The following NRXN3 variants were observed in gnomAD, a reference collection of about 807,000 sequenced individuals.
The protein encoded by NRXN3 is neurexin III.
Under a neutral mutation model 137.6 loss-of-function variants are expected in NRXN3, and 32 were observed. The observed-to-expected ratio is 0.23, with a 90% confidence interval of 0.18 to 0.31. The LOEUF (loss-of-function observed/expected upper bound fraction) is 0.31. NRXN3 is among the 10% of genes least tolerant of loss of function. The pLI, the probability that NRXN3 is intolerant of heterozygous loss-of-function variation, is 1.00. For synonymous variants in NRXN3, 798 were observed against 784.5 expected (o/e 1.02, Z -0.29); for missense variants, 1,574 against 2,062.5 (o/e 0.76, Z 4.59).
At chr14:78,624,486 G>A (rs113315920) in intron 4 of NRXN3, among the ~76,000 whole-genome samples, 1 of 152,226 alleles carries the variant, frequency 6.6e-6, no homozygotes, top group Non-Finnish European at 1.5e-5. Context: ...CATGGCAAGA[G>A]GGGGGCGGTA....
chr14:79,634,290 G>A (rs1028571601), intron 16 of NRXN3, among the ~76,000 whole-genome samples: 4 of 150,694 alleles, frequency 2.7e-5, no homozygotes, highest in Admixed American at 2.6e-4. Flanking sequence ...GCTAGTCCAG[G>A]AATCATGACA....
chr14:79,096,412 C>T (rs149589894), intron 15 of NRXN3, among the ~76,000 whole-genome samples: 618 of 152,096 alleles, frequency 4.1e-3, no homozygotes, highest in Middle Eastern at 6.8e-3. Context: ...GCCCGGCTTC[C>T]GCCTCTCTTT....
At chr14:78,681,723 G>T (rs373863813) in intron 6 of NRXN3, among the ~76,000 whole-genome samples, 2 of 152,094 alleles carry the variant, frequency 1.3e-5, no homozygotes, top group Non-Finnish European at 2.9e-5. Context: ...GGAAAAGTGG[G>T]TCTCCTTTTT....
chr14:78,378,484 C>CAAA (rs3037810), intron 4 of NRXN3, among the ~76,000 whole-genome samples: 1 of 126,904 alleles, frequency 7.9e-6, no homozygotes, highest in Non-Finnish European at 1.7e-5. Context: ...GATTCTGTCT[C>CAAA]AAAAAAAAAA....
chr14:78,498,862 G>C (rs1466106507), intron 4 of NRXN3, among the ~76,000 whole-genome samples: 1 of 151,898 alleles, frequency 6.6e-6, no homozygotes, highest in Non-Finnish European at 1.5e-5. Flanking sequence ...CTGGGTTCAA[G>C]TGATTCTTTT....
At chr14:78,202,234 C>T (rs2061747602) in intron 1 of NRXN3, among the ~76,000 whole-genome samples, 1 of 152,184 alleles carries the variant, frequency 6.6e-6, no homozygotes, top group South Asian at 2.1e-4. Flanking sequence ...ATTACCCTGC[C>T]TGAAAACGAA....
intron 15 of NRXN3, among the ~76,000 whole-genome samples, chr14:79,148,330 A>G (rs1775504853): frequency 6.6e-6 from 1 of 152,198 alleles, no homozygotes; most frequent in South Asian, 2.1e-4. Flanking sequence ...GCATGCTCCC[A>G]GAAGCTGAGA....
chr14:78,561,161 C>T (rs17835229), intron 4 of NRXN3, among the ~76,000 whole-genome samples: 29,939 of 152,032 alleles, frequency 0.2, 3,268 homozygotes, highest in Middle Eastern at 0.31. Flanking sequence ...GTGACCATCT[C>T]GACATGAGTC....
chr14:78,525,419 G>C (rs2096362999), intron 4 of NRXN3, among the ~76,000 whole-genome samples: 1 of 152,140 alleles, frequency 6.6e-6, no homozygotes, highest in Non-Finnish European at 1.5e-5. Context: ...TCCTTTATAA[G>C]CTTGACTATT....
chr14:78,983,834 T>C (rs10140529), intron 14 of NRXN3, among the ~76,000 whole-genome samples: 11,520 of 133,574 alleles, frequency 0.086, 1,577 homozygotes, highest in African/African-American at 0.3. Context: ...TCCAGCCTGG[T>C]GACAGAGCAA....
chr14:79,478,515 C>T (rs2096579766), intron 16 of NRXN3, among the ~76,000 whole-genome samples: 1 of 152,012 alleles, frequency 6.6e-6, no homozygotes, highest in Non-Finnish European at 1.5e-5. Context: ...GCATCATTAA[C>T]TTTGAGCCAG....
At chr14:78,890,238 A>G (rs31394) in intron 10 of NRXN3, among the ~76,000 whole-genome samples, 20,918 of 151,978 alleles carry the variant, frequency 0.14, 2,999 homozygotes, top group African/African-American at 0.37. Flanking sequence ...TACAAAATAC[A>G]TGAATTATAC....
At chr14:79,658,832 C>T (rs1228104654) in intron 16 of NRXN3, among the ~76,000 whole-genome samples, 1 of 152,180 alleles carries the variant, frequency 6.6e-6, no homozygotes, top group Non-Finnish European at 1.5e-5. Context: ...TTCCATTGCC[C>T]ATATCCCTGG....
At chr14:79,355,036 T>C (rs577688058) in intron 15 of NRXN3, among the ~76,000 whole-genome samples, 178 of 152,326 alleles carry the variant, frequency 1.2e-3, no homozygotes, top group African/African-American at 4.1e-3. Context: ...TGGATGGTTT[T>C]TTAACAATGT....
intron 8 of NRXN3, among the ~76,000 whole-genome samples, chr14:78,719,301 G>A (rs1036044089): frequency 2.6e-5 from 4 of 152,296 alleles, no homozygotes; most frequent in East Asian, 1.9e-4. Flanking sequence ...AAGAATACAA[G>A]TATTTTTACT....
chr14:79,229,637 C>T (rs914130898), intron 15 of NRXN3, among the ~76,000 whole-genome samples: 6 of 152,122 alleles, frequency 3.9e-5, no homozygotes, highest in Admixed American at 6.6e-5. Context: ...CTGGCGAAAA[C>T]GAACTCCTGG....
chr14:78,587,765 G>C (rs377489266), intron 4 of NRXN3, among the ~76,000 whole-genome samples: 8 of 152,058 alleles, frequency 5.3e-5, no homozygotes, highest in East Asian at 1.9e-4. Flanking sequence ...TAAAGACTCA[G>C]GGCATCATCA....
At chr14:78,916,246 A>T (rs1171454795) in intron 10 of NRXN3, among the ~76,000 whole-genome samples, 1 of 152,182 alleles carries the variant, frequency 6.6e-6, no homozygotes, top group Non-Finnish European at 1.5e-5. Context: ...TGGTCAACCT[A>T]ATGATACCTG....
chr14:79,627,992 T>C (rs1046938293), intron 16 of NRXN3, among the ~76,000 whole-genome samples: 12 of 152,164 alleles, frequency 7.9e-5, no homozygotes, highest in African/African-American at 2.9e-4. Flanking sequence ...TTTCTTACTA[T>C]ATTAGAAAAT....
Sources: gnomAD v4.1 joint callset for allele counts (sites outside exome capture counted in the v4.1 genomes callset) on GRCh38, gnomAD v4.1.1 for gene constraint, MANE v1.5 for transcripts, NCBI Gene and HGNC (gene_info 2026-07-23, HGNC 2026-07-21) for gene names.